The following WFIKKN2 variants were observed in gnomAD, a reference collection of about 807,000 sequenced individuals.
WFIKKN2 encodes WAP, follistatin/kazal, immunoglobulin, kunitz and netrin domain containing 2, also known as WAP, Kazal, immunoglobulin, Kunitz and NTR domain-containing protein 2.
WFIKKN2 carries 25 observed loss-of-function variants against 39.2 expected under a neutral mutation model. The ratio of observed to expected loss-of-function variants is 0.64; its 90% CI spans 0.47 to 0.89. WFIKKN2 has a LOEUF of 0.89. WFIKKN2 is among the 40% of genes least tolerant of loss of function. The pLI is 0.00. For synonymous variants in WFIKKN2, 345 were observed against 329.7 expected, an observed-to-expected ratio of 1.05 and a Z score of -0.50; for missense variants, 770 against 811.7, an observed-to-expected ratio of 0.95 and a Z score of 0.62.
At position 50,840,740 on chromosome 17, in the gene WFIKKN2, T is replaced by C; in HGVS notation, c.1452T>C (p.Thr484=). The change falls in exon 2 of 2, where the codon ACT becomes ACC. Residue 484 remains threonine, a synonymous_variant. Transcript: ENST00000311378. The part of the protein sequence containing the change: ...EEPDSGRALV[T]VDEVLKDEKM... ...CTGACTCGGGCCGCGCCCTGGTGAC[T>C]GTGGATGAGGTCCTAAAGGATGAGA... The C allele has an allele frequency of 6.2e-7, 1 of 1,614,052 alleles. No individual in the cohort carries two copies.
Position 50,836,009 on chromosome 17 carries a change from A to G in WFIKKN2, c.72A>G (p.Leu24=), listed in dbSNP as rs766022680. 8.7e-6 allele frequency: 14 copies of G among 1,603,268 alleles called. No homozygotes were observed. The highest frequency in any genetic ancestry group is 1.1e-5 in the Non-Finnish European group (13 of 1,175,408). Reference sequence around the variant, plus strand: ...TGGCAGCGCTGCTGCTGCTGCTGCTACTGCTCGGGGTGCCCCCGCGAAGCC... The same window carrying G: ...TGGCAGCGCTGCTGCTGCTGCTGCTGCTGCTCGGGGTGCCCCCGCGAAGCC... ...EQVAALLLLL[L]LLGVPPRSLA... Residue 24 remains leucine, a synonymous_variant, in exon 1 of 2, where the codon CTA becomes CTG. Transcript: ENST00000311378.
Position 50,836,108 on chromosome 17 carries a change from C to A in WFIKKN2, c.171C>A (p.Asp57Glu), listed in dbSNP as rs138152713. ...ACATGAATCCCAACCTCTGGGTGGA[C>A]GCACAGAGCACCTGCAGGCGGGAGT... ...PNDMNPNLWV[D>E]AQSTCRRECE... is the part of the protein sequence containing the mutation. The change falls in exon 1 of 2, where the codon GAC (aspartate) becomes GAA (glutamate). Residue 57 changes from aspartate to glutamate, a missense_variant. Asp to Glu is a conservative substitution (Grantham distance 45). Coordinates refer to ENST00000311378, the MANE Select transcript of WFIKKN2 (RefSeq NM_175575.6). 6.2e-7 allele frequency: 1 copy of A among 1,613,114 alleles called. No individual in the cohort carries two copies. Among genetic ancestry groups the A allele is most frequent in the Non-Finnish European group, 8.5e-7 (1 of 1,179,598 alleles).
Position 50,841,028 on chromosome 17 carries a change from ACCCCTCCCTGC to A in WFIKKN2, c.*20_*30del. The A allele has an allele frequency of 1.1e-6, 1 of 950,616 alleles. No individual in the cohort carries two copies. Among genetic ancestry groups the A allele is most frequent in the Non-Finnish European group, 1.4e-6 (1 of 699,562 alleles). The allele number at this position is 950,616 out of a possible 1,614,324, so 58.9% of individuals were successfully genotyped here. A position where few individuals can be genotyped will look rare whatever the true frequency, so the allele number is the denominator to read the frequency against. On this transcript the variant is annotated 3_prime_UTR_variant, in exon 2 of 2. Coordinates refer to ENST00000311378, the MANE Select transcript of WFIKKN2 (RefSeq NM_175575.6). ...TTCTTGGCTTGCACTGAAGCCCCCC[ACCCCTCCCTGC>A]CCCCTCCCTGGCCTTCTTCCACCTA...
In WFIKKN2 at chr17:50,840,035, T is replaced by C; in HGVS notation, c.747T>C (p.Asp249=). The C allele has an allele frequency of 6.2e-7, 1 of 1,614,168 alleles. No homozygotes were observed. Among genetic ancestry groups the C allele is most frequent in the Non-Finnish European group, 8.5e-7 (1 of 1,180,024 alleles). The change falls in exon 2 of 2, where the codon GAT becomes GAC. Residue 249 remains aspartate (D), a synonymous_variant. Coordinates refer to ENST00000311378, the MANE Select transcript of WFIKKN2 (RefSeq NM_175575.6). ...TCACCTGGGAGAAGCAGTTGGAGGA[T>C]CGGGAGAATGTGGTCATGCGGCCCA... ...PEITWEKQLE[D]RENVVMRPNH...
At chr17:50,836,922 T>C (rs572600820) in intron 1 of WFIKKN2, among the ~76,000 whole-genome samples, 1 of 152,190 alleles carries the variant, frequency 6.6e-6, no homozygotes, top group African/African-American at 2.4e-5. Context: ...ACAGGCCCCG[T>C]TCACCTGGAG....
Position 50,840,150 on chromosome 17 carries a change from A to G in WFIKKN2, c.862A>G (p.Thr288Ala). 1 of 1,613,914 alleles carries G rather than the reference A, an allele frequency of 6.2e-7. No individual in the cohort carries two copies. Among genetic ancestry groups the G allele is most frequent in the Non-Finnish European group, 8.5e-7 (1 of 1,179,972 alleles). Residue 288 changes from threonine to alanine, a missense_variant, in exon 2 of 2, where the codon ACG becomes GCG. Coordinates refer to ENST00000311378, the MANE Select transcript of WFIKKN2 (RefSeq NM_175575.6). The stretch of plus-strand genomic sequence containing the variant: ...GCAGGATGCTGGGATCTACACCTGC[A>G]CGGCCCGGAACGTGGCTGGGGTCCT... ...QLQDAGIYTC[T>A]ARNVAGVLRA...
Position 50,840,713 on chromosome 17 carries a change from G to T in WFIKKN2, c.1425G>T (p.Glu475Asp). ...GCCGAGTCTCTGAGCTGACCGAGGA[G>T]CCTGACTCGGGCCGCGCCCTGGTGA... ...ILGRVSELTEEPDSGRALVTV... is the reference protein window; with the variant it reads ...ILGRVSELTEDPDSGRALVTV... The change falls in exon 2 of 2, where the codon GAG (glutamate) becomes GAT (aspartate). Residue 475 changes from glutamate to aspartate, a missense_variant. Glu to Asp is a conservative substitution (Grantham distance 45, BLOSUM62 2). Coordinates refer to ENST00000311378, the MANE Select transcript of WFIKKN2 (RefSeq NM_175575.6). 1 of 1,613,960 alleles carries T rather than the reference G, an allele frequency of 6.2e-7. No homozygotes were observed. Among genetic ancestry groups the T allele is most frequent in the Non-Finnish European group, 8.5e-7 (1 of 1,180,024 alleles).
chr17:50,838,316 A>C (rs556974466), intron 1 of WFIKKN2, among the ~76,000 whole-genome samples: 1 of 152,310 alleles, frequency 6.6e-6, no homozygotes, highest in South Asian at 2.1e-4. Context: ...CAAGTCAAGC[A>C]GGCAGGCTCC....
chr17:50,839,490 C>T lies in WFIKKN2; in HGVS notation c.211-9C>T. On this transcript the variant is annotated splice_polypyrimidine_tract_variant and intron_variant, in intron 1 of 1. Transcript: ENST00000311378. ...TCCCTGTTCAGGCCACTCTCTCTGGCTCTTTCAGGAGTGTGAGACCTATGA... is the reference window on the plus strand; with the variant it reads ...TCCCTGTTCAGGCCACTCTCTCTGGTTCTTTCAGGAGTGTGAGACCTATGA... 6.2e-7 allele frequency: 1 copy of T among 1,606,490 alleles called. No individual in the cohort carries two copies.
At position 50,840,545 on chromosome 17, in the gene WFIKKN2, C is replaced by T. The variant is rs142080540; in HGVS notation, c.1257C>T (p.Cys419=). Residue 419 remains cysteine (C), a synonymous_variant, in exon 2 of 2, where the codon TGC becomes TGT. Coordinates refer to ENST00000311378, the MANE Select transcript of WFIKKN2 (RefSeq NM_175575.6). ...GQCQSFVYGG[C]EGNGNNFESR... ...GCCAGTCCTTTGTCTATGGTGGCTG[C>T]GAGGGCAATGGCAACAACTTTGAGA... 3.6e-5 allele frequency: 58 copies of T among 1,613,896 alleles called. No homozygotes were observed. Among genetic ancestry groups the T allele is most frequent in the African/African-American group, 6.7e-5 (5 of 74,938 alleles).
In WFIKKN2 at chr17:50,840,319, G is replaced by A; in HGVS notation, c.1031G>A (p.Trp344Ter). Residue 344 changes from tryptophan (W) to a stop codon, truncating the protein, a stop_gained, in exon 2 of 2, where the codon TGG becomes TAG. Coordinates refer to ENST00000311378, the MANE Select transcript of WFIKKN2 (RefSeq NM_175575.6). LOFTEE classifies it high-confidence loss of function. ...GACTGTGGCGAAGAGCAGACCCGCT[G>A]GCACTTCGATGCCCAGGCCAACAAC... The part of the protein sequence containing the change: ...SEDCGEEQTR[W>*]HFDAQANNCL... 1 of 1,614,110 alleles carries A rather than the reference G, an allele frequency of 6.2e-7. No homozygotes were observed. Among genetic ancestry groups the A allele is most frequent in the South Asian group, 1.1e-5 (1 of 91,082 alleles).
Position 50,840,834 on chromosome 17 carries a change from C to T in WFIKKN2, c.1546C>T (p.Pro516Ser). Reference sequence around the variant, plus strand: ...TCTGCTTCACGTGGACTGGGCATGCCCCTGCCCCAACGTGACCGTGAGCGA... The same window carrying T: ...TCTGCTTCACGTGGACTGGGCATGCTCCTGCCCCAACGTGACCGTGAGCGA... ...VTLLHVDWAC[P>S]CPNVTVSEMP... Residue 516 changes from proline (P) to serine (S), a missense_variant, in exon 2 of 2, where the codon CCC becomes TCC. Pro to Ser is a moderately conservative substitution (Grantham distance 74, BLOSUM62 -1). Transcript: ENST00000311378. The T allele has an allele frequency of 6.2e-7, 1 of 1,613,498 alleles. No homozygotes were observed. The highest frequency in any genetic ancestry group is 8.5e-7 in the Non-Finnish European group (1 of 1,179,570).
chr17:50,836,715 A>G (rs1022152011), intron 1 of WFIKKN2, among the ~76,000 whole-genome samples: 1 of 130,184 alleles, frequency 7.7e-6, no homozygotes, highest in Non-Finnish European at 1.6e-5. Context: ...GAGGTGGACC[A>G]GGTGAGTGGG....
rs747221394 is a variant in WFIKKN2 at position 50,840,627 on chromosome 17, G to A, written c.1339G>A (p.Ala447Thr). Residue 447 changes from alanine (A) to threonine (T), a missense_variant, in exon 2 of 2, where the codon GCC becomes ACC. Physicochemically the swap from Ala to Thr is moderately conservative, Grantham distance 58 (BLOSUM62 0). Transcript: ENST00000311378. ...CCCCAGGGGGAACCAGCGCTGTCGG[G>A]CCTGCAAGCCTCGGCAGAAGCTCGT... is the stretch of plus-strand genomic sequence containing the variant. ...PFPRGNQRCR[A>T]CKPRQKLVTS... 6.2e-7 allele frequency: 1 copy of A among 1,613,976 alleles called. No homozygotes were observed. Among genetic ancestry groups the A allele is most frequent in the African/African-American group, 1.3e-5 (1 of 75,074 alleles).
chr17:50,840,335 G>A lies in WFIKKN2; in HGVS notation c.1047G>A (p.Gln349=). Residue 349 remains glutamine (Q), a synonymous_variant, in exon 2 of 2, where the codon CAG becomes CAA. Transcript: ENST00000311378. ...AGACCCGCTGGCACTTCGATGCCCA[G>A]GCCAACAACTGCCTGACCTTCACCT... ...EEQTRWHFDA[Q]ANNCLTFTFG... 1 of 1,614,150 alleles carries A rather than the reference G, an allele frequency of 6.2e-7. No homozygotes were observed. Among genetic ancestry groups the A allele is most frequent in the Non-Finnish European group, 8.5e-7 (1 of 1,180,028 alleles).
At position 50,835,796 on chromosome 17, in the gene WFIKKN2, G is replaced by GAGCAGCCTGAGC. The variant is rs779916289; in HGVS notation, c.-127_-116dup. Reference sequence around the variant, plus strand: ...TGACTTGGTGGAGGCAGCAGCGGCAGAGCAGCCTGAGCAGCAGCCTGAGCA... The same window carrying GAGCAGCCTGAGC: ...TGACTTGGTGGAGGCAGCAGCGGCAGAGCAGCCTGAGCAGCAGCCTGAGCAGCAGCCTGAGCA... On this transcript the variant is annotated 5_prime_UTR_variant, in exon 1 of 2. Transcript: ENST00000311378. The GAGCAGCCTGAGC allele has an allele frequency of 3.4e-6, 3 of 880,214 alleles. No individual in the cohort carries two copies. In the African/African-American group the frequency reaches 5.1e-5, roughly 15 times the overall value. The allele number at this position is 880,214 out of a possible 1,614,324, so 54.5% of individuals were successfully genotyped here.
rs760982642 is a variant in WFIKKN2 at position 50,839,723 on chromosome 17, C to T, written c.435C>T (p.Thr145=). The T allele has an allele frequency of 1.9e-6, 3 of 1,614,230 alleles. No individual in the cohort carries two copies. Among genetic ancestry groups the T allele is most frequent in the Non-Finnish European group, 2.5e-6 (3 of 1,180,044 alleles). ...KDRCEKEPSF[T]CASDGLTYYN... is the part of the protein sequence containing the mutation. Reference sequence around the variant, plus strand: ...GCTGTGAGAAGGAGCCCAGCTTTACCTGCGCCTCGGACGGCCTCACCTACT... The same window carrying T: ...GCTGTGAGAAGGAGCCCAGCTTTACTTGCGCCTCGGACGGCCTCACCTACT... Residue 145 remains threonine (T), a synonymous_variant, in exon 2 of 2, where the codon ACC becomes ACT. Transcript: ENST00000311378.
chr17:50,840,957 CT>C lies in WFIKKN2; in HGVS notation c.1671del (p.Arg558ValfsTer49). The C allele has an allele frequency of 6.3e-7, 1 of 1,580,990 alleles. No individual in the cohort carries two copies. The highest frequency in any genetic ancestry group is 8.6e-7 in the Non-Finnish European group (1 of 1,160,418). Reference protein sequence around the residue: ...GASSARRVRKLREVMHKKTCD... With the variant: ...GASSARRVRKXREVMHKKTCD... ...ATCGAGTGCCCGCCGGGTCAGGAAGCTTCGTGAGGTCATGCACAAGAAGACC... is the reference window on the plus strand; with the variant it reads ...ATCGAGTGCCCGCCGGGTCAGGAAGCTCGTGAGGTCATGCACAAGAAGACC... On this transcript the variant is annotated frameshift_variant, in exon 2 of 2. Transcript: ENST00000311378. LOFTEE classifies it high-confidence loss of function.
intron 1 of WFIKKN2, among the ~76,000 whole-genome samples, chr17:50,837,339 T>C (rs1971972443): frequency 6.6e-6 from 1 of 152,122 alleles, no homozygotes; most frequent in Non-Finnish European, 1.5e-5. Flanking sequence ...ATCTCTGGTG[T>C]CCCTGGGAGG....
Sources: allele counts gnomAD v4.1 joint callset (sites outside exome capture counted in the v4.1 genomes callset), GRCh38; gene constraint gnomAD v4.1.1; transcripts MANE v1.5; gene names NCBI Gene and HGNC (gene_info 2026-07-23, HGNC 2026-07-21).